The following KIAA1549 variants were observed in gnomAD, a reference collection of about 807,000 sequenced individuals.
KIAA1549 encodes KIAA1549, also known as UPF0606 protein KIAA1549.
KIAA1549 carries 70 observed loss-of-function variants against 156.4 expected under a neutral mutation model. That is an observed-to-expected ratio of 0.45 (90% CI 0.37 to 0.55). KIAA1549 has a LOEUF of 0.55. KIAA1549 is among the 20% of genes least tolerant of loss of function. The probability of loss-of-function intolerance (pLI) is 0.00; values close to 1 mark genes in which losing one functional copy is unlikely to be tolerated. For synonymous variants in KIAA1549, 1,103 were observed against 1,066.4 expected (o/e 1.03, Z -0.67); for missense variants, 2,428 against 2,540.9 (o/e 0.96, Z 0.96).
At chr7:138,862,688 T>C (rs1041755201) in intron 15 of KIAA1549, among the ~76,000 whole-genome samples, 18 of 152,150 alleles carry the variant, frequency 1.2e-4, no homozygotes, top group Admixed American at 4.6e-4. Flanking sequence ...CCCAGCACTT[T>C]GGGAGGCCGA....
In KIAA1549 at chr7:138,835,363, A is replaced by G. The variant is rs911770904; in HGVS notation, c.*2543T>C. On this transcript the variant is annotated 3_prime_UTR_variant, in exon 20 of 20. Coordinates refer to ENST00000422774, the MANE Select transcript of KIAA1549 (RefSeq NM_001164665.2). ...CATAACCACCGGCTGTTTATTATAC[A>G]TCATCTTTGGTCTTGACATCTGTTT... is the stretch of plus-strand genomic sequence containing the variant. The G allele has an allele frequency of 2.8e-5, 6 of 213,618 alleles. No individual in the cohort carries two copies. Among genetic ancestry groups the G allele is most frequent in the African/African-American group, 1.4e-4 (6 of 44,204 alleles). The allele number at this position is 213,618 out of a possible 1,614,324, so 13.2% of individuals were successfully genotyped here. A position where few individuals can be genotyped will look rare whatever the true frequency, so the allele number is the denominator to read the frequency against.
rs1811188057 is a variant in KIAA1549, at chr7:138,879,633, T to C, written c.4250A>G (p.Asp1417Gly). 1.9e-6 allele frequency: 3 copies of C among 1,551,866 alleles called. No homozygotes were observed. The highest frequency in any genetic ancestry group is 2.6e-6 in the Non-Finnish European group (3 of 1,148,572). Residue 1417 changes from aspartate to glycine, a missense_variant, in exon 12 of 20, where the codon GAC becomes GGC. Asp to Gly is a moderately conservative substitution (Grantham distance 94). Coordinates refer to ENST00000422774, the MANE Select transcript of KIAA1549 (RefSeq NM_001164665.2). ...GCTGGACTCTTCACTGACCGTAGAG[T>C]CAGCATCTGAGGGAGAAACTCTGCA... ...HRGRVSPSDA[D>G]STVSEESSER...
chr7:138,932,951 C>A (rs1328323763), intron 1 of KIAA1549, among the ~76,000 whole-genome samples: 1 of 152,030 alleles, frequency 6.6e-6, no homozygotes, highest in Non-Finnish European at 1.5e-5. Flanking sequence ...AGAGGAGAAG[C>A]CAGGGAGACA....
At chr7:138,974,512 A>C (rs1375851993) in intron 1 of KIAA1549, among the ~76,000 whole-genome samples, 1 of 152,074 alleles carries the variant, frequency 6.6e-6, no homozygotes, top group African/African-American at 2.4e-5. Flanking sequence ...AGCTCACCGC[A>C]ACCTTTGCCT....
Position 138,918,136 on chromosome 7 carries a change from G to T in KIAA1549, c.1490C>A (p.Ser497Tyr). Residue 497 changes from serine to tyrosine, a missense_variant, in exon 2 of 20, where the codon TCC becomes TAC. Ser to Tyr is a moderately radical substitution (Grantham distance 144, BLOSUM62 -2). Around this residue, in one of 5 missense-constraint regions of KIAA1549, gnomAD observed 893 missense variants for 847.9 expected, o/e 1.05. Transcript: ENST00000422774. The surrounding 1 kb of genome is among the most constrained non-coding windows in gnomAD (Gnocchi z 4.2). ...AACACTCGTCTCTGAGATTTCCATGGATCTAGAAGAAAGTGGGACGATAGG... is the reference window on the plus strand; with the variant it reads ...AACACTCGTCTCTGAGATTTCCATGTATCTAGAAGAAAGTGGGACGATAGG... ...SRPIVPLSSR[S>Y]MEISETSVGI... The T allele has an allele frequency of 6.2e-7, 1 of 1,613,972 alleles. No individual in the cohort carries two copies. The highest frequency in any genetic ancestry group is 8.5e-7 in the Non-Finnish European group (1 of 1,179,874).
chr7:138,936,860 C>T (rs983063993), intron 1 of KIAA1549, among the ~76,000 whole-genome samples: 1 of 151,956 alleles, frequency 6.6e-6, no homozygotes, highest in Admixed American at 6.6e-5. Flanking sequence ...TCAGTCAGGG[C>T]TGTGGTCTCT....
chr7:138,879,567 T>C lies in KIAA1549; in HGVS notation c.4316A>G (p.Asp1439Gly). 1 of 1,567,710 alleles carries C rather than the reference T, an allele frequency of 6.4e-7. No homozygotes were observed. The highest frequency in any genetic ancestry group is 8.7e-7 in the Non-Finnish European group (1 of 1,155,844). Residue 1439 changes from aspartate to glycine, a missense_variant, in exon 12 of 20, where the codon GAT (aspartate) becomes GGT (glycine). Around this residue, in one of 5 missense-constraint regions of KIAA1549, gnomAD observed 404 missense variants for 417.0 expected, o/e 0.97. Transcript: ENST00000422774. ...CTGCGGAGCTCTGTGGGACCTGCCATCGTTGACGGCTCCCGGCGTCTTATC... is the reference window on the plus strand; with the variant it reads ...CTGCGGAGCTCTGTGGGACCTGCCACCGTTGACGGCTCCCGGCGTCTTATC... ...AGDKTPGAVN[D>G]GRSHRAPQSG...
chr7:138,906,415 G>A (rs534920994), intron 6 of KIAA1549, among the ~76,000 whole-genome samples: 6 of 152,328 alleles, frequency 3.9e-5, no homozygotes, highest in African/African-American at 1.4e-4. Flanking sequence ...GGGGGATGCT[G>A]ATAATGGAGG....
At chr7:138,892,319 T>C (rs77881864) in intron 10 of KIAA1549, among the ~76,000 whole-genome samples, 2,457 of 152,306 alleles carry the variant, frequency 0.016, 65 homozygotes, top group African/African-American at 0.056. Flanking sequence ...TTACAGATAA[T>C]AGATGGACTT....
intron 9 of KIAA1549, 92 bp from the exon 10 acceptor site, chr7:138,894,618 G>C: frequency 8.0e-7 from 1 of 1,243,874 alleles, no homozygotes; most frequent in South Asian, 1.4e-5. Context: ...AGAAGTCCCT[G>C]ACATTCCAGC....
chr7:138,939,500 T>C (rs1435866882), intron 1 of KIAA1549, among the ~76,000 whole-genome samples: 1 of 152,218 alleles, frequency 6.6e-6, no homozygotes, highest in East Asian at 1.9e-4. Context: ...ACATTCTATA[T>C]TTGGCTGACT....
intron 17 of KIAA1549, among the ~76,000 whole-genome samples, chr7:138,851,208 A>G (rs918158749): frequency 6.6e-6 from 1 of 152,136 alleles, no homozygotes; most frequent in Non-Finnish European, 1.5e-5. Context: ...GATATCTACC[A>G]TCTTAAGTTT....
intron 1 of KIAA1549, among the ~76,000 whole-genome samples, chr7:138,927,752 T>C (rs577671608): frequency 2.6e-5 from 4 of 152,332 alleles, no homozygotes; most frequent in East Asian, 1.9e-4. Context: ...ATATGAGAGC[T>C]TGATGGCCGC....
intron 2 of KIAA1549, among the ~76,000 whole-genome samples, chr7:138,913,693 G>T (rs890277928): frequency 1.3e-5 from 2 of 151,980 alleles, no homozygotes; most frequent in Non-Finnish European, 2.9e-5. Flanking sequence ...GTGAGTGGAG[G>T]CTCCTTTATT....
intron 6 of KIAA1549, among the ~76,000 whole-genome samples, chr7:138,905,884 T>C (rs11764822): frequency 0.39 from 58,861 of 152,032 alleles, 12,858 homozygotes; most frequent in African/African-American, 0.59. Flanking sequence ...TTGATAAATG[T>C]GTATATATTC....
chr7:138,937,576 G>T (rs955703759), intron 1 of KIAA1549, among the ~76,000 whole-genome samples: 2 of 152,298 alleles, frequency 1.3e-5, no homozygotes, highest in Non-Finnish European at 1.5e-5. Context: ...ATGCTGTGAT[G>T]GACAGCAAGG....
chr7:138,925,829 CAAAAAAAAAAAAAAAAAAAAA>C, intron 1 of KIAA1549, among the ~76,000 whole-genome samples: 1 of 44,604 alleles, frequency 2.2e-5, no homozygotes, highest in Admixed American at 3.3e-4. Flanking sequence ...GATCCTGTCT[CAAAAAAAAAAAAAAAAAAAAA>C]AAAAAAAAAA....
At chr7:138,976,641 C>A (rs909875454) in intron 1 of KIAA1549, among the ~76,000 whole-genome samples, 2 of 152,090 alleles carry the variant, frequency 1.3e-5, no homozygotes. Context: ...TAGGAAAAAA[C>A]CATGGTATAT....
At position 138,837,970 on chromosome 7, in the gene KIAA1549, G is replaced by C. The variant is rs780896759; in HGVS notation, c.5789C>G (p.Ala1930Gly). The change falls in exon 20 of 20, where the codon GCA becomes GGA. Residue 1930 changes from alanine to glycine, a missense_variant. Physicochemically the swap from Ala to Gly is moderately conservative, Grantham distance 60. Coordinates refer to ENST00000422774, the MANE Select transcript of KIAA1549 (RefSeq NM_001164665.2). ...PGHSSASLIK[A>G]IREELLRLSQ... ...GAGCCGGAGGAGCTCCTCGCGGATT[G>C]CTTTGATGAGAGAGGCCGAGGAGTG... The C allele has an allele frequency of 6.2e-7, 1 of 1,613,776 alleles. No individual in the cohort carries two copies. Among genetic ancestry groups the C allele is most frequent in the Non-Finnish European group, 8.5e-7 (1 of 1,179,842 alleles).
Sources: allele counts gnomAD v4.1 joint callset (sites outside exome capture counted in the v4.1 genomes callset), GRCh38; gene constraint gnomAD v4.1.1; regional missense constraint gnomAD v4.1.1; non-coding constraint Gnocchi (gnomAD v3.1); transcripts MANE v1.5; gene names NCBI Gene and HGNC (gene_info 2026-07-23, HGNC 2026-07-21).